The following TRIM10 variants were observed in gnomAD, a reference collection of about 807,000 sequenced individuals.
TRIM10 encodes the protein tripartite motif-containing protein 10.
TRIM10 carries 42 observed loss-of-function variants against 40.0 expected under a neutral mutation model. The ratio of observed to expected loss-of-function variants is 1.05; its 90% CI spans 0.82 to 1.36. The LOEUF is 1.36. Ranked by LOEUF, TRIM10 falls within the 40% of genes most tolerant of loss-of-function variation. The pLI is 0.00. For synonymous variants in TRIM10, 260 were observed against 239.5 expected (o/e 1.09, Z -0.79); for missense variants, 601 against 608.3 (o/e 0.99, Z 0.13).
Position 30,153,362 on chromosome 6 carries a change from C to T in TRIM10, c.*607G>A, listed in dbSNP as rs1772190928. 3.4e-6 allele frequency: 1 copy of T among 295,884 alleles called. No homozygotes were observed. Among genetic ancestry groups the T allele is most frequent in the Non-Finnish European group, 6.3e-6 (1 of 157,900 alleles). 18.3% of individuals were successfully genotyped at this position (295,884 alleles called of 1,614,324 possible). On this transcript the variant is annotated 3_prime_UTR_variant, in exon 7 of 7. Coordinates refer to ENST00000449742, the MANE Select transcript of TRIM10 (RefSeq NM_006778.4). The stretch of plus-strand genomic sequence containing the variant: ...GGCTATGCCCCTTCCCCTGAACTCC[C>T]ATAATGCTGGGGTTGGACTTCCCGT...
At chr6:30,162,051 G>A (rs1020662152), upstream of TRIM10, among the ~76,000 whole-genome samples, 1 of 107,706 alleles carries the variant, frequency 9.3e-6, no homozygotes, top group African/African-American at 4.3e-5. Context: ...CTAGGCGGGC[G>A]GATCACGAGG....
intron 2 of TRIM10, 118 bp from the exon 3 acceptor site, chr6:30,158,747 T>C: frequency 1.2e-6 from 1 of 825,834 alleles, no homozygotes; most frequent in South Asian, 1.6e-5. Context: ...TTTTCACTTG[T>C]CATCCCATTT....
At chr6:30,157,318 A>T (rs778091842) in intron 4 of TRIM10, 51 bp downstream of exon 4, 4 of 1,490,452 alleles carry the variant, frequency 2.7e-6, no homozygotes, top group Admixed American at 4.0e-5. Context: ...CATGCAGTAC[A>T]TGTATGTATA....
At position 30,153,297 on chromosome 6, in the gene TRIM10, T is replaced by A; in HGVS notation, c.*672A>T. 1 of 198,728 alleles carries A rather than the reference T, an allele frequency of 5.0e-6. No individual in the cohort carries two copies. Among genetic ancestry groups the A allele is most frequent in the Non-Finnish European group, 1.0e-5 (1 of 96,308 alleles). 12.3% of individuals were successfully genotyped at this position (198,728 alleles called of 1,614,324 possible). A position where few individuals can be genotyped will look rare whatever the true frequency, so the allele number is the denominator to read the frequency against. ...ATAGGCATCCTTTAGACCACCCTTT[T>A]CAGAAAGCCATCCCCCACTCACCCT... On this transcript the variant is annotated 3_prime_UTR_variant, in exon 7 of 7. Transcript: ENST00000449742.
upstream of TRIM10, chr6:30,163,851 T>G: frequency 6.2e-7 from 1 of 1,612,994 alleles, no homozygotes; most frequent in Non-Finnish European, 8.5e-7. Context: ...AAGATCCTGC[T>G]CTGCCCGCTC....
chr6:30,158,372 G>T (rs374424680), intron 3 of TRIM10, 27 bp downstream of exon 3: 100 of 1,584,296 alleles, frequency 6.3e-5, no homozygotes, highest in Non-Finnish European at 7.8e-5. Flanking sequence ...CAGCACAGGT[G>T]GGGCAGGGTT....
At chr6:30,157,572 A>G (rs184758283) in intron 3 of TRIM10, among the ~76,000 whole-genome samples, 181 bp from the exon 4 acceptor site, 10 of 150,682 alleles carry the variant, frequency 6.6e-5, no homozygotes, top group African/African-American at 2.4e-4. Flanking sequence ...TGCATACTCA[A>G]CCTCCTGGGC....
At chr6:30,161,472 G>A (rs1039732421), upstream of TRIM10, among the ~76,000 whole-genome samples, 6 of 152,142 alleles carry the variant, frequency 3.9e-5, no homozygotes, top group African/African-American at 1.4e-4. Flanking sequence ...CCTATGATGG[G>A]GAGGAGAAAG....
At position 30,153,970 on chromosome 6, in the gene TRIM10, CA is replaced by C; in HGVS notation, c.1444del (p.Ter482GlufsTer10). 6.3e-7 allele frequency: 1 copy of C among 1,595,446 alleles called. No homozygotes were observed. The highest frequency in any genetic ancestry group is 1.1e-5 in the South Asian group (1 of 89,586). ...AGGAGAGTAGGTAACTGCTCCTTCT[CA>C]GGAGCTCAGGGAGAAACTGGACCCT... ...GRGSSFSLSS[*>X] On this transcript the variant is annotated frameshift_variant and stop_lost, in exon 7 of 7. Coordinates refer to ENST00000449742, the MANE Select transcript of TRIM10 (RefSeq NM_006778.4). LOFTEE classifies it high-confidence loss of function.
rs1338391911 is a variant in TRIM10, at chr6:30,161,104, G to A, written c.-246C>T. 6.6e-6 allele frequency among the ~76,000 whole-genome samples: 1 copy of A among 152,164 alleles called. No homozygotes were observed. Among genetic ancestry groups the A allele is most frequent in the Non-Finnish European group, 1.5e-5 (1 of 68,018 alleles). The stretch of plus-strand genomic sequence containing the variant: ...GAAGAGGGGCTCACAGCATTTCAGA[G>A]GTGACCTTAGATGACCATAACCAGG... On this transcript the variant is annotated 5_prime_UTR_variant, in exon 1 of 7. Coordinates refer to ENST00000449742, the MANE Select transcript of TRIM10 (RefSeq NM_006778.4).
At chr6:30,162,619 T>C (rs1433991123), upstream of TRIM10, among the ~76,000 whole-genome samples, 2 of 152,288 alleles carry the variant, frequency 1.3e-5, no homozygotes, top group South Asian at 4.1e-4. Flanking sequence ...CAGATCTTGG[T>C]CTTGGCATGA....
At position 30,153,970 on chromosome 6, in the gene TRIM10, C is replaced by T; in HGVS notation, c.1445G>A (p.Ter482=). ...GRGSSFSLSS[*] ...AGGAGAGTAGGTAACTGCTCCTTCTCAGGAGCTCAGGGAGAAACTGGACCC... is the reference window on the plus strand; with the variant it reads ...AGGAGAGTAGGTAACTGCTCCTTCTTAGGAGCTCAGGGAGAAACTGGACCC... Residue 482 remains the stop codon, a stop_retained_variant, in exon 7 of 7, where the codon TGA becomes TAA. Coordinates refer to ENST00000449742, the MANE Select transcript of TRIM10 (RefSeq NM_006778.4). 1 of 1,595,446 alleles carries T rather than the reference C, an allele frequency of 6.3e-7. No homozygotes were observed. The highest frequency in any genetic ancestry group is 1.1e-5 in the South Asian group (1 of 89,586).
chr6:30,154,810 G>T, intron 6 of TRIM10: 1 of 622,788 alleles, frequency 1.6e-6, no homozygotes, highest in Non-Finnish European at 3.0e-6. Context: ...GGTTTCCAAA[G>T]CTGTGCGTGC....
upstream of TRIM10, among the ~76,000 whole-genome samples, chr6:30,162,286 A>G (rs929699581): frequency 1.1e-4 from 16 of 152,036 alleles, no homozygotes; most frequent in African/African-American, 2.2e-4. Context: ...AAAAAAAAAA[A>G]AAAAGAAAAG....
rs1268966875 is a variant in TRIM10 at position 30,160,417 on chromosome 6, T to C, written c.429+13A>G. 6.2e-7 allele frequency: 1 copy of C among 1,608,770 alleles called. No homozygotes were observed. The highest frequency in any genetic ancestry group is 8.5e-7 in the Non-Finnish European group (1 of 1,176,454). Reference sequence around the variant, plus strand: ...CCAGTCCACCCTGGGATCCCCCAGTTCCCCTTTCCTACCCTATAGGGAGCC... The same window carrying C: ...CCAGTCCACCCTGGGATCCCCCAGTCCCCCTTTCCTACCCTATAGGGAGCC... On this transcript the variant is annotated intron_variant, in intron 1 of 6. Transcript: ENST00000449742.
chr6:30,154,840 C>T (rs1772376674), intron 6 of TRIM10: 4 of 573,828 alleles, frequency 7.0e-6, no homozygotes, highest in Non-Finnish European at 9.8e-6. Flanking sequence ...TCTCCTGGGG[C>T]TGATATACCA....
At chr6:30,158,796 G>A (rs1772815165) in intron 2 of TRIM10, among the ~76,000 whole-genome samples, 167 bp from the exon 3 acceptor site, 1 of 152,182 alleles carries the variant, frequency 6.6e-6, no homozygotes, top group South Asian at 2.1e-4. Flanking sequence ...AGCACCATCT[G>A]CTGCAGCTTC....
chr6:30,154,604 G>C (rs542203227), intron 6 of TRIM10, 118 bp from the exon 7 acceptor site: 2 of 1,319,040 alleles, frequency 1.5e-6, no homozygotes, highest in Non-Finnish European at 2.1e-6. Flanking sequence ...AACATGTATA[G>C]TGCCTACGTG....
rs182905583 is a variant in TRIM10, at chr6:30,155,535, C to A, written c.928+192G>T. Among the ~76,000 whole-genome samples the A allele has an allele frequency of 2.2e-4, 33 of 151,712 alleles. No homozygotes were observed. In the East Asian group the frequency reaches 4.7e-3, roughly 21 times the overall value. ...AATGTGACACACACACACACACAAC[C>A]TATATATACACACATGTATTATATA... On this transcript the variant is annotated intron_variant, in intron 6 of 6. Transcript: ENST00000449742.
Sources: gnomAD v4.1 joint callset for allele counts (sites outside exome capture counted in the v4.1 genomes callset) on GRCh38, gnomAD v4.1.1 for gene constraint, MANE v1.5 for transcripts, NCBI Gene and HGNC (gene_info 2026-07-23, HGNC 2026-07-21) for gene names.